The following EHBP1 variants were observed in gnomAD, a reference collection of about 807,000 sequenced individuals.
EHBP1 encodes EH domain binding protein 1.
EHBP1 carries 55 observed loss-of-function variants against 144.0 expected under a neutral mutation model. That is an observed-to-expected ratio of 0.38 (90% confidence interval 0.31 to 0.48). EHBP1 has a LOEUF of 0.48. Among genes scored for constraint, EHBP1 ranks in the 20% least tolerant of loss-of-function variants. EHBP1 has a pLI of 0.98. For synonymous variants in EHBP1, 469 were observed against 472.7 expected, an observed-to-expected ratio of 0.99 and a Z score of 0.10; for missense variants, 1,200 against 1,364.2, an observed-to-expected ratio of 0.88 and a Z score of 1.90.
At chr2:62,934,170 C>T (rs1558938807) in intron 10 of EHBP1, among the ~76,000 whole-genome samples, 1 of 152,162 alleles carries the variant, frequency 6.6e-6, no homozygotes, top group East Asian at 1.9e-4. Flanking sequence ...TTTTCATCAG[C>T]CCTGTAAGAA....
intron 3 of EHBP1, among the ~76,000 whole-genome samples, chr2:62,761,698 A>T (rs547955742): frequency 6.6e-6 from 1 of 152,262 alleles, no homozygotes; most frequent in South Asian, 2.1e-4. Context: ...TCCAGGAAGG[A>T]TCAATCTGTC....
intron 1 of EHBP1, chr2:62,706,620 G>A (rs2034611776): frequency 6.5e-6 from 1 of 153,092 alleles, no homozygotes; most frequent in African/African-American, 2.4e-5. Flanking sequence ...GCTAACAGGG[G>A]GAGGTAGGGC....
At chr2:62,866,560 T>G (rs996542787) in intron 9 of EHBP1, among the ~76,000 whole-genome samples, 3 of 152,118 alleles carry the variant, frequency 2.0e-5, no homozygotes, top group Admixed American at 6.5e-5. Flanking sequence ...GAAATTGAAT[T>G]TATAGAGATG....
At chr2:62,985,385 C>T (rs1334240109) in intron 15 of EHBP1, among the ~76,000 whole-genome samples, 1 of 152,112 alleles carries the variant, frequency 6.6e-6, no homozygotes, top group Non-Finnish European at 1.5e-5. Context: ...AGCTTCAGTA[C>T]TTATATTACT....
chr2:62,785,802 T>C (rs564253996), intron 5 of EHBP1, among the ~76,000 whole-genome samples: 158 of 152,354 alleles, frequency 1.0e-3, no homozygotes, highest in African/African-American at 3.7e-3. Context: ...TTTCTGCTTA[T>C]GCTGTAAACT....
chr2:62,891,912 TA>T (rs1257763469), intron 10 of EHBP1, among the ~76,000 whole-genome samples: 1 of 152,158 alleles, frequency 6.6e-6, no homozygotes, highest in East Asian at 1.9e-4. Context: ...GCAAAGCCAG[TA>T]ATTGAAAATA....
intron 19 of EHBP1, among the ~76,000 whole-genome samples, chr2:63,028,759 A>G (rs562378983): frequency 6.6e-6 from 1 of 152,314 alleles, no homozygotes; most frequent in South Asian, 2.1e-4. Flanking sequence ...CTTTCAGTAG[A>G]ATCTAATCAC....
At chr2:62,890,676 G>A (rs1227098631) in intron 10 of EHBP1, among the ~76,000 whole-genome samples, 1 of 152,144 alleles carries the variant, frequency 6.6e-6, no homozygotes, top group Admixed American at 6.5e-5. Flanking sequence ...GGATTATGTC[G>A]TCTGCATACA....
intron 10 of EHBP1, among the ~76,000 whole-genome samples, chr2:62,892,737 C>G (rs935549747): frequency 6.6e-6 from 1 of 151,930 alleles, no homozygotes; most frequent in South Asian, 2.1e-4. Flanking sequence ...TTTATTTGCT[C>G]CCTCCCACCC....
intron 10 of EHBP1, among the ~76,000 whole-genome samples, chr2:62,935,254 G>A (rs903102899): frequency 2.7e-5 from 4 of 150,824 alleles, no homozygotes; most frequent in Non-Finnish European, 5.9e-5. Context: ...CGGTGAACCC[G>A]GGAGACAGAG....
At chr2:62,842,942 A>G (rs1278065977) in intron 7 of EHBP1, among the ~76,000 whole-genome samples, 2 of 152,212 alleles carry the variant, frequency 1.3e-5, no homozygotes, top group African/African-American at 4.8e-5. Flanking sequence ...TAAGGAAAAT[A>G]TAGATGTAAT....
chr2:62,915,974 A>G (rs989025896), intron 10 of EHBP1, among the ~76,000 whole-genome samples: 3 of 152,154 alleles, frequency 2.0e-5, no homozygotes, highest in African/African-American at 7.2e-5. Context: ...TAGAACTTTA[A>G]TTCACACCAT....
chr2:62,787,215 C>G (rs2042867822), intron 5 of EHBP1, among the ~76,000 whole-genome samples: 1 of 152,096 alleles, frequency 6.6e-6, no homozygotes, highest in Non-Finnish European at 1.5e-5. Flanking sequence ...TTGAATTATA[C>G]TTAATAAATA....
At chr2:62,706,676 A>G (rs894504883) in intron 1 of EHBP1, 2 of 155,286 alleles carry the variant, frequency 1.3e-5, no homozygotes, top group African/African-American at 2.4e-5. Flanking sequence ...TGACTACCTG[A>G]TGTGTCGCTC....
intron 19 of EHBP1, among the ~76,000 whole-genome samples, chr2:63,008,773 A>G (rs1301332265): frequency 2.0e-5 from 3 of 151,628 alleles, no homozygotes; most frequent in Admixed American, 2.0e-4. Flanking sequence ...ATAAGGTTAG[A>G]TTGGAAAGAT....
rs143755283 is a variant in EHBP1 at position 62,896,498 on chromosome 2, A to G, written c.1185+21966A>G. 4.7e-4 allele frequency among the ~76,000 whole-genome samples: 72 copies of G among 152,188 alleles called. 1 individual carries two copies. The highest frequency in any genetic ancestry group is 1.5e-3 in the African/African-American group (64 of 41,544). On this transcript the variant is annotated intron_variant, in intron 10 of 22. Coordinates refer to ENST00000431489, the MANE Select transcript of EHBP1 (RefSeq NM_001142616.3). ...AACTTCATATTCTACCGTACATTTT[A>G]TTTTAACAAATGAACTGTCCCTACT...
chr2:62,874,232 G>A, intron 9 of EHBP1, 114 bp from the exon 10 acceptor site: 1 of 704,814 alleles, frequency 1.4e-6, no homozygotes. Context: ...GTTATCACTG[G>A]TTTGGGTTTT....
intron 1 of EHBP1, among the ~76,000 whole-genome samples, chr2:62,687,707 G>A (rs1220402884): frequency 6.6e-6 from 1 of 152,138 alleles, no homozygotes; most frequent in Non-Finnish European, 1.5e-5. Flanking sequence ...GAAATGGTTT[G>A]TAAGGGTTCC....
rs893683422 is a variant in EHBP1, at chr2:62,857,111, A to G, written c.635-2058A>G. 4.6e-5 allele frequency among the ~76,000 whole-genome samples: 7 copies of G among 152,314 alleles called. No individual in the cohort carries two copies. The East Asian group carries it at 1.4e-3, about 29-fold the overall frequency. On this transcript the variant is annotated intron_variant, in intron 7 of 22. Transcript: ENST00000431489. The stretch of plus-strand genomic sequence containing the variant: ...TTCTTCCCTATAGGCTCCAGAAAGG[A>G]ATGCAGCCTATCGAACTTCCTAATT...
Sources: allele counts gnomAD v4.1 joint callset (sites outside exome capture counted in the v4.1 genomes callset), GRCh38; gene constraint gnomAD v4.1.1; transcripts MANE v1.5; gene names NCBI Gene and HGNC (gene_info 2026-07-23, HGNC 2026-07-21).